Variants in UTRN observed in about 807,000 individuals in gnomAD.
UTRN encodes utrophin.
In UTRN, 283 loss-of-function variants were observed where a neutral mutation model predicts 463.9. That is an observed-to-expected ratio of 0.61 (90% confidence interval 0.55 to 0.67). The LOEUF (loss-of-function observed/expected upper bound fraction) is 0.67. UTRN is among the 30% of genes least tolerant of loss of function. The pLI, the probability that UTRN is intolerant of heterozygous loss-of-function variation, is 0.00. For missense variants in UTRN, 3,922 were observed against 4,084.3 expected (o/e 0.96, Z 1.08); for synonymous variants, 1,442 against 1,431.5 (o/e 1.01, Z -0.17).
chr6:144,664,077 A>G (rs1018131850), intron 51 of UTRN, among the ~76,000 whole-genome samples: 1 of 152,222 alleles, frequency 6.6e-6, no homozygotes, highest in African/African-American at 2.4e-5. Flanking sequence ...ATGAAATTAT[A>G]AGAGTAATGA....
At chr6:144,679,983 G>A (rs1782048141) in intron 52 of UTRN, among the ~76,000 whole-genome samples, 2 of 152,104 alleles carry the variant, frequency 1.3e-5, no homozygotes, top group Non-Finnish European at 2.9e-5. Context: ...GTTCTATGTA[G>A]TGAGGGATTA....
intron 43 of UTRN, among the ~76,000 whole-genome samples, chr6:144,536,050 G>A (rs533269907): frequency 5.9e-4 from 90 of 152,298 alleles, no homozygotes; most frequent in Non-Finnish European, 9.9e-4. Context: ...AAAGTGCTGG[G>A]ATTACAGCCG....
chr6:144,590,779 C>T (rs1260580436), intron 51 of UTRN, among the ~76,000 whole-genome samples: 1 of 151,938 alleles, frequency 6.6e-6, no homozygotes, highest in African/African-American at 2.4e-5. Flanking sequence ...CCTTCCACAT[C>T]TCTGTGTTTC....
chr6:144,514,718 G>T lies in UTRN; in HGVS notation c.5142G>T (p.Leu1714Phe). Residue 1714 changes from leucine to phenylalanine, a missense_variant, in exon 37 of 75, where the codon TTG (leucine) becomes TTT (phenylalanine). Transcript: ENST00000367545. ...ATGTCCGCGATCAAGCCCTTATTTTGATGAATGCCCGTGGAAGCTCAAGCA... is the reference window on the plus strand; with the variant it reads ...ATGTCCGCGATCAAGCCCTTATTTTTATGAATGCCCGTGGAAGCTCAAGCA... The part of the protein sequence containing the change: ...VENVRDQALI[L>F]MNARGSSSRE... 1 of 1,614,148 alleles carries T rather than the reference G, an allele frequency of 6.2e-7. No homozygotes were observed. The highest frequency in any genetic ancestry group is 1.1e-5 in the South Asian group (1 of 91,088).
In UTRN at chr6:144,462,857, A is replaced by T; in HGVS notation, c.3057A>T (p.Arg1019Ser). ...HLLEEIALTL[R>S]AFEADSTVIE... ...TTGAGGAAATTGCTCTCACACTCAGAGCTTTTGAGGTAAATCCAGAGGCCA... is the reference window on the plus strand; with the variant it reads ...TTGAGGAAATTGCTCTCACACTCAGTGCTTTTGAGGTAAATCCAGAGGCCA... The change falls in exon 23 of 75, where the codon AGA (arginine) becomes AGT (serine). Residue 1019 changes from arginine (R) to serine (S), a missense_variant. Around this residue, in one of 3 missense-constraint regions of UTRN, gnomAD observed 2,349 missense variants for 2,303.8 expected, o/e 1.02. Transcript: ENST00000367545. 1 of 1,603,066 alleles carries T rather than the reference A, an allele frequency of 6.2e-7. No individual in the cohort carries two copies. The highest frequency in any genetic ancestry group is 1.1e-5 in the South Asian group (1 of 87,250).
rs1438719361 is a variant in UTRN, at chr6:144,482,264, A to T, written c.3563A>T (p.Asn1188Ile). 3 of 1,608,186 alleles carry T rather than the reference A, an allele frequency of 1.9e-6. No individual in the cohort carries two copies. The South Asian group carries it at 3.3e-5, about 18-fold the overall frequency. The change falls in exon 27 of 75, where the codon AAC (asparagine) becomes ATC (isoleucine). Residue 1188 changes from asparagine (N) to isoleucine (I), a missense_variant. By Grantham distance (149) the Asn-to-Ile change is moderately radical. Around this residue, in one of 3 missense-constraint regions of UTRN, gnomAD observed 2,349 missense variants for 2,303.8 expected, o/e 1.02. Coordinates refer to ENST00000367545, the MANE Select transcript of UTRN (RefSeq NM_007124.3). ...GTGAGAGTGAAGATTCTCAAGGACA[A>T]CATCAAGTTATTAGCTGCCAAGGTG... ...KEVRVKILKD[N>I]IKLLAAKVPS...
At chr6:144,344,208 G>T (rs1777382752) in intron 2 of UTRN, 1 of 1,303,808 alleles carries the variant, frequency 7.7e-7, no homozygotes, top group African/African-American at 1.5e-5. Context: ...GCAGATGTAG[G>T]TGATGAGCGG....
At chr6:144,489,683 G>A (rs1207661239) in intron 30 of UTRN, among the ~76,000 whole-genome samples, 9 of 151,786 alleles carry the variant, frequency 5.9e-5, no homozygotes, top group Middle Eastern at 3.2e-3. Context: ...GTGCAGTGGC[G>A]CGATCTCGGC....
chr6:144,844,170 C>T (rs1010883199), intron 73 of UTRN, among the ~76,000 whole-genome samples: 1 of 152,090 alleles, frequency 6.6e-6, no homozygotes, highest in African/African-American at 2.4e-5. Flanking sequence ...TACATATTTT[C>T]ATATTCTGCC....
In UTRN at chr6:144,285,565, C is replaced by G. The variant is rs1415762115; in HGVS notation, c.-349C>G. On this transcript the variant is annotated 5_prime_UTR_variant, in exon 1 of 75. Coordinates refer to ENST00000367545, the MANE Select transcript of UTRN (RefSeq NM_007124.3). ...TTTGACTGTTTTGTTTTTGGCGGAA[C>G]TACCAGGCAGGAAGATTGCACAAGT... 6.6e-6 allele frequency: 1 copy of G among 152,296 alleles called. No individual in the cohort carries two copies. The highest frequency in any genetic ancestry group is 1.5e-5 in the Non-Finnish European group (1 of 68,072). The allele number at this position is 152,296 out of a possible 1,614,324, so 9.4% of individuals were successfully genotyped here.
intron 51 of UTRN, among the ~76,000 whole-genome samples, chr6:144,625,698 C>A (rs2128650576): frequency 6.6e-6 from 1 of 152,278 alleles, no homozygotes; most frequent in African/African-American, 2.4e-5. Context: ...CATATTTTCC[C>A]TAGGGCCCCT....
chr6:144,479,827 A>T lies in UTRN; in HGVS notation c.3352A>T (p.Ser1118Cys), dbSNP rs1228787713. The T allele has an allele frequency of 6.2e-7, 1 of 1,613,578 alleles. No individual in the cohort carries two copies. Among genetic ancestry groups the T allele is most frequent in the Middle Eastern group, 1.7e-4 (1 of 6,060 alleles). ...TCCTTTGTAGATCGCTACTCAAAAAAGTAGGTTGTCTGAAAGTCAAGAAAA... is the reference window on the plus strand; with the variant it reads ...TCCTTTGTAGATCGCTACTCAAAAATGTAGGTTGTCTGAAAGTCAAGAAAA... ...KLSKEIATQK[S>C]RLSESQEKAA... The change falls in exon 26 of 75, where the codon AGT becomes TGT. Residue 1118 changes from serine to cysteine, a missense_variant. Around this residue, in one of 3 missense-constraint regions of UTRN, gnomAD observed 2,349 missense variants for 2,303.8 expected, o/e 1.02. Transcript: ENST00000367545.
intron 2 of UTRN, among the ~76,000 whole-genome samples, chr6:144,393,263 T>G (rs1380351725): frequency 6.6e-6 from 1 of 152,174 alleles, no homozygotes; most frequent in Non-Finnish European, 1.5e-5. Context: ...ATGAGCTAAA[T>G]TTGCAACTCC....
At chr6:144,805,922 T>C (rs1203676396) in intron 65 of UTRN, among the ~76,000 whole-genome samples, 1 of 152,074 alleles carries the variant, frequency 6.6e-6, no homozygotes, top group African/African-American at 2.4e-5. Flanking sequence ...AAGGCAACTA[T>C]CAGATTGTAT....
At chr6:144,799,334 G>A (rs1777514783) in intron 64 of UTRN, 1 of 418,892 alleles carries the variant, frequency 2.4e-6, no homozygotes, top group Admixed American at 2.7e-5. Context: ...AGGTCAGAGG[G>A]CCTTGCTGCT....
chr6:144,559,465 A>G (rs1186742863), intron 50 of UTRN, among the ~76,000 whole-genome samples: 1 of 152,188 alleles, frequency 6.6e-6, no homozygotes, highest in Non-Finnish European at 1.5e-5. Flanking sequence ...TTTTAAACCC[A>G]GTGAACTTTA....
chr6:144,730,604 T>G, intron 54 of UTRN, 118 bp downstream of exon 54: 1 of 1,192,992 alleles, frequency 8.4e-7, no homozygotes, highest in Non-Finnish European at 1.1e-6. Flanking sequence ...TCTTTTCTTC[T>G]AAGTGTTACT....
chr6:144,556,032 A>G (rs1799353530), intron 49 of UTRN, among the ~76,000 whole-genome samples: 1 of 152,212 alleles, frequency 6.6e-6, no homozygotes, highest in Non-Finnish European at 1.5e-5. Flanking sequence ...TAGAGTTGAT[A>G]ATATTGAACA....
intron 50 of UTRN, among the ~76,000 whole-genome samples, chr6:144,558,069 A>G (rs1799549257): frequency 6.6e-6 from 1 of 152,226 alleles, no homozygotes; most frequent in Non-Finnish European, 1.5e-5. Flanking sequence ...CTTAAAACCA[A>G]TTTGGTATCA....
Sources: gnomAD v4.1 joint callset for allele counts (sites outside exome capture counted in the v4.1 genomes callset) on GRCh38, gnomAD v4.1.1 for gene constraint, gnomAD v4.1.1 regional missense constraint, MANE v1.5 for transcripts, NCBI Gene and HGNC (gene_info 2026-07-23, HGNC 2026-07-21) for gene names.